The following MRTFB variants were observed in gnomAD, a reference collection of about 807,000 sequenced individuals.
MRTFB encodes the protein myocardin-related transcription factor B.
A neutral mutation model predicts 104.2 loss-of-function variants in MRTFB; 29 were observed. The ratio of observed to expected loss-of-function variants is 0.28; its 90% CI spans 0.21 to 0.38. The LOEUF (loss-of-function observed/expected upper bound fraction) is 0.38. Ranked by LOEUF, MRTFB falls within the 10% of genes least tolerant of loss-of-function variation. MRTFB has a pLI of 1.00. For synonymous variants in MRTFB, 535 were observed against 519.5 expected (o/e 1.03, Z -0.41); for missense variants, 1,270 against 1,341.6 (o/e 0.95, Z 0.83).
chr16:14,050,491 T>C, the MRTFB span, among the ~76,000 whole-genome samples: 3 of 152,142 alleles, frequency 2.0e-5, no homozygotes, highest in Non-Finnish European at 4.4e-5. Flanking sequence ...CCTTGATGCA[T>C]GCCTGTAATC....
chr16:14,240,509 C>T (rs368962097), intron 10 of MRTFB, 25 bp downstream of exon 10: 161 of 1,614,098 alleles, frequency 1.0e-4, no homozygotes, highest in Non-Finnish European at 1.3e-4. Flanking sequence ...ATGCTATCCT[C>T]AACGCGGGGT....
At chr16:14,078,398 C>T (rs58500597) in intron 1 of MRTFB, among the ~76,000 whole-genome samples, 8,870 of 151,918 alleles carry the variant, frequency 0.058, 503 homozygotes, top group East Asian at 0.3. Flanking sequence ...ACTGTAAGCC[C>T]CTGGAATACA....
chr16:14,173,895 ATT>A (rs1272577698), intron 3 of MRTFB, among the ~76,000 whole-genome samples: 5 of 151,874 alleles, frequency 3.3e-5, no homozygotes, highest in Admixed American at 1.3e-4. Context: ...CAAAACAACT[ATT>A]TTTTTTAGAA....
chr16:14,044,664 A>G, the MRTFB span, among the ~76,000 whole-genome samples: 2 of 152,184 alleles, frequency 1.3e-5, no homozygotes, highest in East Asian at 3.8e-4. Context: ...AGTTTTGCCC[A>G]TAAGGTCATC....
intron 3 of MRTFB, among the ~76,000 whole-genome samples, chr16:14,172,468 C>T (rs1408122553): frequency 1.3e-5 from 2 of 151,976 alleles, no homozygotes; most frequent in African/African-American, 4.8e-5. Context: ...CTAAGATTTT[C>T]CTGTTACAAA....
intron 2 of MRTFB, among the ~76,000 whole-genome samples, chr16:14,086,757 G>A (rs2034726925): frequency 1.3e-5 from 2 of 152,124 alleles, no homozygotes; most frequent in Admixed American, 6.5e-5. Context: ...CTCCTGGAAA[G>A]CAAGGAATTA....
the MRTFB span, among the ~76,000 whole-genome samples, chr16:14,023,677 C>CTA: frequency 1.0e-4 from 15 of 149,080 alleles, no homozygotes; most frequent in East Asian, 7.9e-4. Flanking sequence ...GTGTGTGTGT[C>CTA]TATATATATA....
intron 13 of MRTFB, among the ~76,000 whole-genome samples, chr16:14,251,148 G>A (rs979141959): frequency 1.6e-4 from 24 of 151,988 alleles, no homozygotes; most frequent in South Asian, 1.0e-3. Flanking sequence ...AGGCCGAGGC[G>A]GGTGGATCAC....
intron 3 of MRTFB, among the ~76,000 whole-genome samples, chr16:14,182,483 T>TA (rs2039803602): frequency 6.6e-6 from 1 of 152,148 alleles, no homozygotes; most frequent in African/African-American, 2.4e-5. Flanking sequence ...TATAAATAAA[T>TA]ACAGACATAC....
At chr16:14,036,906 T>C in the MRTFB span, among the ~76,000 whole-genome samples, 1 of 151,350 alleles carries the variant, frequency 6.6e-6, no homozygotes. Flanking sequence ...TTTCATTATT[T>C]CTACTGAGCT....
intron 2 of MRTFB, among the ~76,000 whole-genome samples, chr16:14,126,916 A>C (rs1439221086): frequency 1.3e-5 from 2 of 152,236 alleles, no homozygotes; most frequent in Admixed American, 6.5e-5. Context: ...TCCAGGAAAC[A>C]ACCGTAGCTA....
In MRTFB at chr16:14,243,864, G is replaced by GTTTTTTTTTTTTTTTTTTT. The variant is rs56296807; in HGVS notation, c.1080-1651_1080-1650insTTTTTTTTTTTTTTTTTTT. 7.5e-3 allele frequency among the ~76,000 whole-genome samples: 935 copies of GTTTTTTTTTTTTTTTTTTT among 124,298 alleles called. 71 individuals carry two copies. Among genetic ancestry groups the GTTTTTTTTTTTTTTTTTTT allele is most frequent in the East Asian group, 0.071 (280 of 3,960 alleles). The allele number at this position is 124,298 out of a possible 152,430, so 81.5% of individuals were successfully genotyped here. A position where few individuals can be genotyped will look rare whatever the true frequency, so the allele number is the denominator to read the frequency against. ...CAGAGATTAGTTTTGCCTGTTTTGG[G>GTTTTTTTTTTTTTTTTTTT]TTTTTTTTTTTTTGAGACAGAGTCT... On this transcript the variant is annotated intron_variant, in intron 10 of 16. Coordinates refer to ENST00000571589, the MANE Select transcript of MRTFB (RefSeq NM_001308142.2).
At chr16:14,152,479 G>C (rs934700179) in intron 3 of MRTFB, 18 of 152,036 alleles carry the variant, frequency 1.2e-4, no homozygotes, top group African/African-American at 4.3e-4. Context: ...ACTAGAGGGG[G>C]TGGATCTATA....
chr16:14,218,065 G>T (rs752933532), intron 7 of MRTFB, among the ~76,000 whole-genome samples: 1 of 151,766 alleles, frequency 6.6e-6, no homozygotes, highest in Non-Finnish European at 1.5e-5. Context: ...TTGTTTGTTT[G>T]TTTTTCTTTT....
At chr16:14,208,702 G>T (rs1343742969) in intron 3 of MRTFB, among the ~76,000 whole-genome samples, 5 of 152,142 alleles carry the variant, frequency 3.3e-5, no homozygotes, top group African/African-American at 1.2e-4. Flanking sequence ...AGGTCTTTGG[G>T]TGCTGTAAGA....
chr16:14,038,662 C>G, the MRTFB span, among the ~76,000 whole-genome samples: 1 of 152,178 alleles, frequency 6.6e-6, no homozygotes, highest in Non-Finnish European at 1.5e-5. Flanking sequence ...CAGTTACCCT[C>G]AAACTTAGTG....
intron 8 of MRTFB, 38 bp downstream of exon 8, chr16:14,219,036 A>G (rs970001301): frequency 6.5e-7 from 1 of 1,533,498 alleles, no homozygotes; most frequent in Non-Finnish European, 8.8e-7. Context: ...AAGAAAGAAA[A>G]TGCCTTGTTT....
intron 3 of MRTFB, among the ~76,000 whole-genome samples, chr16:14,164,960 AAAAAACTACCTGAT>A (rs2039180105): frequency 6.6e-6 from 1 of 152,106 alleles, no homozygotes; most frequent in Non-Finnish European, 1.5e-5. Context: ...ATTAAAAAAA[AAAAAACTACCTGAT>A]ATTTCTAATC....
At chr16:14,207,984 C>T (rs2041023371) in intron 3 of MRTFB, among the ~76,000 whole-genome samples, 1 of 152,094 alleles carries the variant, frequency 6.6e-6, no homozygotes, top group Admixed American at 6.6e-5. Context: ...TACCTAGTGT[C>T]AGAATTGAAT....
Sources: allele counts gnomAD v4.1 joint callset (sites outside exome capture counted in the v4.1 genomes callset), GRCh38; gene constraint gnomAD v4.1.1; transcripts MANE v1.5; gene names NCBI Gene and HGNC (gene_info 2026-07-23, HGNC 2026-07-21).